YTHDF1: variants seen among roughly 807,000 people sequenced by gnomAD.
YTHDF1 encodes the protein YTH domain-containing family protein 1.
YTHDF1 carries 16 observed loss-of-function variants against 49.1 expected under a neutral mutation model. The ratio of observed to expected loss-of-function variants is 0.33; its 90% CI spans 0.22 to 0.49. The LOEUF (loss-of-function observed/expected upper bound fraction) is 0.49. Ranked by LOEUF, YTHDF1 falls within the 20% of genes least tolerant of loss-of-function variation. The pLI, the probability that YTHDF1 is intolerant of heterozygous loss-of-function variation, is 0.99. For synonymous variants in YTHDF1, 313 were observed against 290.1 expected (o/e 1.08, Z -0.80); for missense variants, 621 against 744.3 (o/e 0.83, Z 1.93).
rs2066521581 is a variant in YTHDF1 at position 63,202,363 on chromosome 20, T to G, written c.1577A>C (p.Tyr526Ser). The G allele has an allele frequency of 6.2e-7, 1 of 1,614,156 alleles. No homozygotes were observed. Among genetic ancestry groups the G allele is most frequent in the African/African-American group, 1.3e-5 (1 of 74,954 alleles). ...GTCGAAGATGGAGGTTGTGTGCTTGTAGGAACTGATAATTTTCAGCACTTG... is the reference window on the plus strand; with the variant it reads ...GTCGAAGATGGAGGTTGTGTGCTTGGAGGAACTGATAATTTTCAGCACTTG... Reference protein sequence around the residue: ...AKQVLKIISSYKHTTSIFDDF... With the variant: ...AKQVLKIISSSKHTTSIFDDF... The change falls in exon 4 of 5, where the codon TAC becomes TCC. Residue 526 changes from tyrosine to serine, a missense_variant. By Grantham distance (144) the Tyr-to-Ser change is moderately radical. Transcript: ENST00000370339.
chr20:63,200,569 G>C (rs1007130564), intron 4 of YTHDF1, among the ~76,000 whole-genome samples: 5 of 152,154 alleles, frequency 3.3e-5, no homozygotes, highest in Non-Finnish European at 7.4e-5. Context: ...CCAGTGGTTT[G>C]AGGAACACTT....
At chr20:63,196,820 GCA>G in intron 4 of YTHDF1, 86 bp from the exon 5 acceptor site, 1 of 1,519,760 alleles carries the variant, frequency 6.6e-7, no homozygotes, top group Non-Finnish European at 9.0e-7. Context: ...CTGCCCCTTA[GCA>G]GCACCTGCAA....
chr20:63,202,934 C>G lies in YTHDF1; in HGVS notation c.1006G>C (p.Ala336Pro). 6.2e-7 allele frequency: 1 copy of G among 1,614,056 alleles called. No individual in the cohort carries two copies. The highest frequency in any genetic ancestry group is 8.5e-7 in the Non-Finnish European group (1 of 1,180,038). The change falls in exon 4 of 5, where the codon GCG becomes CCG. Residue 336 changes from alanine to proline, a missense_variant. Ala to Pro is a conservative substitution (Grantham distance 27). This residue lies in a region of YTHDF1 where 470 missense variants were observed against 495.8 expected (regional missense o/e 0.95). Transcript: ENST00000370339. Reference protein sequence around the residue: ...TRWVAPRNRNAAFGQSGGAGS... With the variant: ...TRWVAPRNRNPAFGQSGGAGS... ...GCCCCTCCGCTCTGCCCAAACGCCG[C>G]GTTTCTGTTGCGTGGGGCAACCCAG... is the stretch of plus-strand genomic sequence containing the variant.
intron 3 of YTHDF1, among the ~76,000 whole-genome samples, chr20:63,206,951 G>A (rs180787537): frequency 6.6e-6 from 1 of 151,334 alleles, no homozygotes; most frequent in East Asian, 1.9e-4. Context: ...GTCACAGTGC[G>A]TGGGAGACAA....
chr20:63,200,793 G>GCA lies in YTHDF1; in HGVS notation c.1653+1492_1653+1493dup, dbSNP rs551344666. 7.2e-5 allele frequency among the ~76,000 whole-genome samples: 11 copies of GCA among 152,146 alleles called. No homozygotes were observed. The South Asian group carries it at 1.0e-3, about 14-fold the overall frequency. On this transcript the variant is annotated intron_variant, in intron 4 of 4. Coordinates refer to ENST00000370339, the MANE Select transcript of YTHDF1 (RefSeq NM_017798.4). ...GTATTTAAGAAGAAAAACTGTGCGC[G>GCA]CACACACACACAGCCAGCTTCCAGT...
intron 3 of YTHDF1, among the ~76,000 whole-genome samples, chr20:63,207,049 G>A (rs926589887): frequency 2.6e-5 from 4 of 152,246 alleles, no homozygotes; most frequent in African/African-American, 9.6e-5. Context: ...GCACAGCCAG[G>A]CACAGGTTCA....
At position 63,213,902 on chromosome 20, in the gene YTHDF1, T is replaced by C. The variant is rs1312196855; in HGVS notation, c.94A>G (p.Asn32Asp). 4 of 1,579,390 alleles carry C rather than the reference T, an allele frequency of 2.5e-6. No individual in the cohort carries two copies. Among genetic ancestry groups the C allele is most frequent in the African/African-American group, 1.4e-5 (1 of 71,948 alleles). ...SLHQKDTVHDNDFEPYLTGQS... is the reference protein window; with the variant it reads ...SLHQKDTVHDDDFEPYLTGQS... ...CCAGTAAGGTAGGGCTCAAAGTCATTGTCATGAACTGTATCCTTCTGATGT... is the reference window on the plus strand; with the variant it reads ...CCAGTAAGGTAGGGCTCAAAGTCATCGTCATGAACTGTATCCTTCTGATGT... The change falls in exon 3 of 5, where the codon AAT becomes GAT. Residue 32 changes from asparagine (N) to aspartate (D), a missense_variant. Physicochemically the swap from Asn to Asp is conservative, Grantham distance 23 (BLOSUM62 1). Coordinates refer to ENST00000370339, the MANE Select transcript of YTHDF1 (RefSeq NM_017798.4).
In YTHDF1 at chr20:63,213,917, C is replaced by T. The variant is rs756193562; in HGVS notation, c.79G>A (p.Asp27Asn). Reference protein sequence around the residue: ...KVQNGSLHQKDTVHDNDFEPY... With the variant: ...KVQNGSLHQKNTVHDNDFEPY... ...TCAAAGTCATTGTCATGAACTGTAT[C>T]CTTCTGATGTAACGAACCATTTTGT... is the stretch of plus-strand genomic sequence containing the variant. The change falls in exon 3 of 5, where the codon GAT becomes AAT. Residue 27 changes from aspartate to asparagine, a missense_variant. Transcript: ENST00000370339. 1.9e-5 allele frequency: 30 copies of T among 1,563,368 alleles called. No homozygotes were observed. Among genetic ancestry groups the T allele is most frequent in the Admixed American group, 1.8e-4 (8 of 44,664 alleles).
At position 63,196,605 on chromosome 20, in the gene YTHDF1, A is replaced by C. The variant is rs1042421707; in HGVS notation, c.*103T>G. 1.4e-6 allele frequency: 2 copies of C among 1,380,074 alleles called. No individual in the cohort carries two copies. The highest frequency in any genetic ancestry group is 2.4e-5 in the East Asian group (1 of 42,324). 85.5% of individuals were successfully genotyped at this position (1,380,074 alleles called of 1,614,324 possible). A position where few individuals can be genotyped will look rare whatever the true frequency, so the allele number is the denominator to read the frequency against. On this transcript the variant is annotated 3_prime_UTR_variant, in exon 5 of 5. Coordinates refer to ENST00000370339, the MANE Select transcript of YTHDF1 (RefSeq NM_017798.4). ...ACGACAAGAAAGGCAAAGATGCAACACTCAACCCCCGCACGGGACGACACA... is the reference window on the plus strand; with the variant it reads ...ACGACAAGAAAGGCAAAGATGCAACCCTCAACCCCCGCACGGGACGACACA...
chr20:63,203,487 G>A lies in YTHDF1; in HGVS notation c.453C>T (p.Tyr151=). 2.5e-6 allele frequency: 4 copies of A among 1,613,670 alleles called. No homozygotes were observed. Among genetic ancestry groups the A allele is most frequent in the South Asian group, 2.2e-5 (2 of 91,086 alleles). ...CACCCAGGGAGCTCGGGGGGTAGGT[G>A]TAGCTGCTCCCATACGCGGAGCTCT... ...QTQSSAYGSS[Y]TYPPSSLGGT... is the part of the protein sequence containing the mutation. The change falls in exon 4 of 5, where the codon TAC becomes TAT. Residue 151 remains tyrosine, a synonymous_variant. Coordinates refer to ENST00000370339, the MANE Select transcript of YTHDF1 (RefSeq NM_017798.4). The surrounding 1 kb of genome is among the most constrained non-coding windows in gnomAD (Gnocchi z 4.4).
intron 3 of YTHDF1, among the ~76,000 whole-genome samples, chr20:63,208,985 G>A (rs1601238302): frequency 6.6e-6 from 1 of 152,364 alleles, no homozygotes; most frequent in Non-Finnish European, 1.5e-5. Flanking sequence ...CACACACTGA[G>A]GCCGTAACCT....
Position 63,203,140 on chromosome 20 carries a change from T to C in YTHDF1, c.800A>G (p.His267Arg), listed in dbSNP as rs2066526566. Reference protein sequence around the residue: ...GGGLPPPPIKHNMDIGTWDNK... With the variant: ...GGGLPPPPIKRNMDIGTWDNK... The stretch of plus-strand genomic sequence containing the variant: ...ATCCCAGGTGCCAATGTCCATGTTA[T>C]GCTTTATGGGTGGAGGGGGCAGCCC... Residue 267 changes from histidine (H) to arginine (R), a missense_variant, in exon 4 of 5, where the codon CAT (histidine) becomes CGT (arginine). By Grantham distance (29) the His-to-Arg change is conservative. Around this residue, in one of 2 missense-constraint regions of YTHDF1, gnomAD observed 470 missense variants for 495.8 expected, o/e 0.95. Coordinates refer to ENST00000370339, the MANE Select transcript of YTHDF1 (RefSeq NM_017798.4). This position sits in a 1 kb window ranked among gnomAD's most constrained non-coding sequence, Gnocchi z 4.4. 2.5e-6 allele frequency: 4 copies of C among 1,613,744 alleles called. No homozygotes were observed. The highest frequency in any genetic ancestry group is 1.1e-5 in the South Asian group (1 of 91,084).
rs781323188 is a variant in YTHDF1 at position 63,202,401 on chromosome 20, T to G, written c.1539A>C (p.Leu513Phe). ...TNSRDTQEVP[L>F]EKAKQVLKII... is the part of the protein sequence containing the mutation. ...TTTTCAGCACTTGCTTGGCTTTTTC[T>G]AAGGGCACCTCCTGGGTGTCCCGGG... Residue 513 changes from leucine (L) to phenylalanine (F), a missense_variant, in exon 4 of 5, where the codon TTA becomes TTC. Leu to Phe is a conservative substitution (Grantham distance 22). This residue lies in a region of YTHDF1 where 151 missense variants were observed against 248.5 expected (regional missense o/e 0.61). Coordinates refer to ENST00000370339, the MANE Select transcript of YTHDF1 (RefSeq NM_017798.4). 1 of 1,614,294 alleles carries G rather than the reference T, an allele frequency of 6.2e-7. No homozygotes were observed. Among genetic ancestry groups the G allele is most frequent in the Non-Finnish European group, 8.5e-7 (1 of 1,180,052 alleles).
Position 63,196,325 on chromosome 20 carries a change from T to C in YTHDF1, c.*383A>G, listed in dbSNP as rs1017776153. 6.7e-5 allele frequency: 11 copies of C among 165,384 alleles called. No individual in the cohort carries two copies. The highest frequency in any genetic ancestry group is 1.2e-4 in the Non-Finnish European group (9 of 77,124). The allele number at this position is 165,384 out of a possible 1,614,324, so 10.2% of individuals were successfully genotyped here. ...AGAATACTCTAAATGACAAAATGACTCATGGTTTCTTATGTTTGCTAAAAA... is the reference window on the plus strand; with the variant it reads ...AGAATACTCTAAATGACAAAATGACCCATGGTTTCTTATGTTTGCTAAAAA... On this transcript the variant is annotated 3_prime_UTR_variant, in exon 5 of 5. Coordinates refer to ENST00000370339, the MANE Select transcript of YTHDF1 (RefSeq NM_017798.4).
intron 2 of YTHDF1, among the ~76,000 whole-genome samples, chr20:63,214,395 T>G (rs1463114603): frequency 3.3e-5 from 5 of 152,214 alleles, no homozygotes; most frequent in Non-Finnish European, 7.3e-5. Context: ...TATCTGACTC[T>G]CCACAGTGAA....
chr20:63,198,688 A>T (rs1202595215), intron 4 of YTHDF1, among the ~76,000 whole-genome samples: 1 of 152,086 alleles, frequency 6.6e-6, no homozygotes, highest in Non-Finnish European at 1.5e-5. Flanking sequence ...ATGCTCAACA[A>T]GCATCCAGGA....
chr20:63,215,649 G>A (rs549502612), intron 1 of YTHDF1, 48 bp from the exon 2 acceptor site: 9 of 1,578,462 alleles, frequency 5.7e-6, no homozygotes, highest in African/African-American at 2.8e-5. Context: ...CCCGGGGGAA[G>A]AGGGAAACAC....
At chr20:63,210,975 G>C (rs1015950807) in intron 3 of YTHDF1, among the ~76,000 whole-genome samples, 1 of 152,144 alleles carries the variant, frequency 6.6e-6, no homozygotes, top group Non-Finnish European at 1.5e-5. Context: ...ACAGCAAGGC[G>C]GGTGAGGCCT....
rs150973541 is a variant in YTHDF1 at position 63,200,088 on chromosome 20, C to T, written c.1653+2199G>A. 1.8e-3 allele frequency among the ~76,000 whole-genome samples: 281 copies of T among 151,976 alleles called. 1 individual carries two copies. Among genetic ancestry groups the T allele is most frequent in the African/African-American group, 6.5e-3 (271 of 41,446 alleles). The stretch of plus-strand genomic sequence containing the variant: ...ACAAAAAGCTATTTGAGGCGGGGCA[C>T]GGTGGCTCACACCTGTAATCCCAGC... On this transcript the variant is annotated intron_variant, in intron 4 of 4. Coordinates refer to ENST00000370339, the MANE Select transcript of YTHDF1 (RefSeq NM_017798.4).
Sources: gnomAD v4.1 joint callset for allele counts (sites outside exome capture counted in the v4.1 genomes callset) on GRCh38, gnomAD v4.1.1 for gene constraint, gnomAD v4.1.1 regional missense constraint, Gnocchi (gnomAD v3.1) non-coding constraint, MANE v1.5 for transcripts, NCBI Gene and HGNC (gene_info 2026-07-23, HGNC 2026-07-21) for gene names.